The following FUS variants were observed in gnomAD, a reference collection of about 807,000 sequenced individuals.
FUS encodes FUS RNA binding protein, also known as RNA-binding protein FUS.
Under a neutral mutation model 82.7 loss-of-function variants are expected in FUS, and 5 were observed. The ratio of observed to expected loss-of-function variants is 0.06; its 90% confidence interval spans 0.03 to 0.13. FUS has a LOEUF of 0.13. Among genes scored for constraint, FUS ranks in the 10% least tolerant of loss-of-function variants. FUS has a pLI of 1.00. For synonymous variants in FUS, 281 were observed against 247.4 expected (o/e 1.14, Z -1.27); for missense variants, 512 against 707.8 (o/e 0.72, Z 3.14).
intron 14 of FUS, 115 bp downstream of exon 14, chr16:31,191,225 T>G (rs1244588466): frequency 1.1e-5 from 17 of 1,503,602 alleles, no homozygotes; most frequent in African/African-American, 2.8e-5. Flanking sequence ...GACCTGAGGT[T>G]GTAACCAGTA....
Position 31,185,183 on chromosome 16 carries a change from G to A in FUS, c.764+4G>A. On this transcript the variant is annotated splice_donor_region_variant and intron_variant, in intron 6 of 14. Coordinates refer to ENST00000254108, the MANE Select transcript of FUS (RefSeq NM_004960.4). ...GTGGAGGCAGAGGTGGCATGGGGTA[G>A]GTGTCTCATGAGCCAGGGAGTATCT... 6.2e-7 allele frequency: 1 copy of A among 1,605,640 alleles called. No individual in the cohort carries two copies. Among genetic ancestry groups the A allele is most frequent in the Non-Finnish European group, 8.5e-7 (1 of 1,175,556 alleles).
At chr16:31,180,820 C>T (rs925722028) in intron 1 of FUS, among the ~76,000 whole-genome samples, 2 of 152,174 alleles carry the variant, frequency 1.3e-5, no homozygotes, top group African/African-American at 4.8e-5. Flanking sequence ...GGCTCGGGAT[C>T]GGGGCCGCCC....
Position 31,185,117 on chromosome 16 carries a change from C to T in FUS, c.702C>T (p.Arg234=), listed in dbSNP as rs149785330. Residue 234 remains arginine (R), a synonymous_variant, in exon 6 of 15, where the codon CGC becomes CGT. Coordinates refer to ENST00000254108, the MANE Select transcript of FUS (RefSeq NM_004960.4). ...GGGGGGGGYN[R]SSGGYEPRGR... ...GCGGCGGCGGTGGTGGTTACAACCG[C>T]AGCAGTGGTGGCTATGAACCCAGAG... 1.4e-4 allele frequency: 232 copies of T among 1,609,542 alleles called. No individual in the cohort carries two copies. In the African/African-American group the frequency reaches 2.7e-3, roughly 19 times the overall value.
At chr16:31,192,385 C>T, downstream of FUS, 1 of 524,042 alleles carries the variant, frequency 1.9e-6, no homozygotes. Flanking sequence ...ACGTACCTGC[C>T]AACCAGTTAT....
rs780919315 is a variant in FUS, at chr16:31,184,048, TTGA to T, written c.335+50_335+52del. 37 of 1,613,084 alleles carry T rather than the reference TTGA, an allele frequency of 2.3e-5. No individual in the cohort carries two copies. In the Admixed American group the frequency reaches 4.7e-4, roughly 20 times the overall value. On this transcript the variant is annotated intron_variant, in intron 4 of 14. Transcript: ENST00000254108. ...GGGAAGGCTTGAAAAGAGGGGTGAA[TTGA>T]TGAGGAATGATAAAGGGACCAGCAG...
At chr16:31,185,552 A>G (rs994271159) in intron 6 of FUS, 13 of 549,150 alleles carry the variant, frequency 2.4e-5, no homozygotes, top group South Asian at 1.4e-4. Flanking sequence ...TAGTAGGGAA[A>G]CTTGGTATGT....
chr16:31,185,061 CGCGGCAGGGGTGGCAGTGGTGGCG>C lies in FUS; in HGVS notation c.652_675del (p.Arg218_Gly225del). 1 of 1,611,134 alleles carries C rather than the reference CGCGGCAGGGGTGGCAGTGGTGGCG, an allele frequency of 6.2e-7. No individual in the cohort carries two copies. Among genetic ancestry groups the C allele is most frequent in the East Asian group, 2.2e-5 (1 of 44,800 alleles). On this transcript the variant is annotated inframe_deletion, in exon 6 of 15. Coordinates refer to ENST00000254108, the MANE Select transcript of FUS (RefSeq NM_004960.4). Reference sequence around the variant, plus strand: ...CTATGGACAGCAGGACCGTGGAGGCCGCGGCAGGGGTGGCAGTGGTGGCGGCGGCGGCGGCGGCGGTGGTGGTTA... The same window carrying C: ...CTATGGACAGCAGGACCGTGGAGGCCGCGGCGGCGGCGGCGGTGGTGGTTA...
At chr16:31,183,766 T>C in intron 3 of FUS, 92 bp from the exon 4 acceptor site, 2 of 1,504,370 alleles carry the variant, frequency 1.3e-6, no homozygotes, top group South Asian at 2.3e-5. Context: ...AGGCTGGCTT[T>C]ATGAGTATAG....
At chr16:31,189,527 C>T in intron 9 of FUS, 138 bp from the exon 10 acceptor site, 1 of 1,157,802 alleles carries the variant, frequency 8.6e-7, no homozygotes, top group East Asian at 2.4e-5. Flanking sequence ...TGGAGGTTTA[C>T]ATGTGAGGTA....
intron 6 of FUS, chr16:31,185,452 G>A (rs2079254507): frequency 1.5e-6 from 1 of 664,560 alleles, no homozygotes; most frequent in South Asian, 1.5e-5. Flanking sequence ...AGATACGTAT[G>A]GATTGGAGTC....
At chr16:31,180,600 C>T (rs1042685458) in intron 1 of FUS, among the ~76,000 whole-genome samples, 30 of 152,250 alleles carry the variant, frequency 2.0e-4, no homozygotes, top group South Asian at 4.1e-4. Flanking sequence ...CATCCGGGCA[C>T]TCGCGGCGCG....
intron 1 of FUS, among the ~76,000 whole-genome samples, chr16:31,181,536 G>C (rs2079177739): frequency 6.6e-6 from 1 of 152,146 alleles, no homozygotes; most frequent in Non-Finnish European, 1.5e-5. Context: ...GGGCTCTTTT[G>C]ATTCTCTGGC....
At chr16:31,184,867 T>A in intron 5 of FUS, 72 bp from the exon 6 acceptor site, 1 of 1,530,480 alleles carries the variant, frequency 6.5e-7, no homozygotes. Context: ...TTGTCAAACC[T>A]TTTCAAACCT....
At chr16:31,187,484 A>G (rs1230666823) in intron 7 of FUS, 1 of 229,108 alleles carries the variant, frequency 4.4e-6, no homozygotes, top group Non-Finnish European at 8.7e-6. Flanking sequence ...GAATTCGTGG[A>G]CCAGGAAGGT....
chr16:31,194,662 C>T, downstream of FUS: 1 of 488,048 alleles, frequency 2.0e-6, no homozygotes, highest in Non-Finnish European at 4.1e-6. Context: ...TGTCCTATTT[C>T]TGTACATGTA....
At position 31,188,934 on chromosome 16, in the gene FUS, T is replaced by G. The variant is rs983412612; in HGVS notation, c.833-189T>G. ...GTTAACATGTTTCAAAGGATAATTG[T>G]CAAACTGAATCTGAAATTTATCAGC... On this transcript the variant is annotated intron_variant, in intron 8 of 14. Transcript: ENST00000254108. 6.4e-6 allele frequency: 4 copies of G among 621,118 alleles called. No homozygotes were observed. In the Admixed American group the frequency reaches 1.1e-4, roughly 16 times the overall value. 38.5% of individuals were successfully genotyped at this position (621,118 alleles called of 1,614,324 possible). A position where few individuals can be genotyped will look rare whatever the true frequency, so the allele number is the denominator to read the frequency against.
In FUS at chr16:31,189,182, A is replaced by G. The variant is rs763075397; in HGVS notation, c.892A>G (p.Ile298Val). Residue 298 changes from isoleucine (I) to valine (V), a missense_variant, in exon 9 of 15, where the codon ATT becomes GTT. By Grantham distance (29) the Ile-to-Val change is conservative. This residue lies in a region of FUS where 26 missense variants were observed against 109.3 expected (regional missense o/e 0.24). Coordinates refer to ENST00000254108, the MANE Select transcript of FUS (RefSeq NM_004960.4). ...FVQGLGENVT[I>V]ESVADYFKQI... ...GCAAGGCCTGGGTGAGAATGTTACA[A>G]TTGAGTCTGTGGCTGATTACTTCAA... 2.5e-6 allele frequency: 4 copies of G among 1,613,940 alleles called. No homozygotes were observed. Among genetic ancestry groups the G allele is most frequent in the East Asian group, 2.2e-5 (1 of 44,878 alleles).
intron 14 of FUS, 35 bp from the exon 15 acceptor site, chr16:31,191,364 T>C (rs1413380288): frequency 1.2e-6 from 2 of 1,610,772 alleles, no homozygotes; most frequent in Non-Finnish European, 1.7e-6. Context: ...AACTCAAATA[T>C]AATGGATACT....
chr16:31,190,706 C>T lies in FUS; in HGVS notation c.1293-36C>T, dbSNP rs776429280. ...CTAGTTCTAGGTCTTGCCTATTCCC[C>T]ATCGCTCCAGACTGATTGTCTTCCT... On this transcript the variant is annotated intron_variant, in intron 12 of 14. Coordinates refer to ENST00000254108, the MANE Select transcript of FUS (RefSeq NM_004960.4). The T allele has an allele frequency of 3.2e-6, 5 of 1,575,262 alleles. No homozygotes were observed. The Admixed American group carries it at 8.3e-5, about 26-fold the overall frequency.
Sources: gnomAD v4.1 joint callset for allele counts (sites outside exome capture counted in the v4.1 genomes callset) on GRCh38, gnomAD v4.1.1 for gene constraint, gnomAD v4.1.1 regional missense constraint, MANE v1.5 for transcripts, NCBI Gene and HGNC (gene_info 2026-07-23, HGNC 2026-07-21) for gene names.